Variants in TMEM132D observed in about 807,000 individuals in gnomAD.
The protein encoded by TMEM132D is transmembrane protein 132D, also known as mature OL transmembrane protein.
A neutral mutation model predicts 62.3 loss-of-function variants in TMEM132D; 21 were observed. The observed-to-expected ratio is 0.34, with a 90% confidence interval of 0.24 to 0.49. The LOEUF (loss-of-function observed/expected upper bound fraction) is 0.49. Ranked by LOEUF, TMEM132D falls within the 20% of genes least tolerant of loss-of-function variation. TMEM132D has a pLI of 0.99. For missense variants in TMEM132D, 1,346 were observed against 1,402.8 expected, an observed-to-expected ratio of 0.96 and a Z score of 0.65; for synonymous variants, 621 against 575.6, an observed-to-expected ratio of 1.08 and a Z score of -1.13.
intron 5 of TMEM132D, among the ~76,000 whole-genome samples, chr12:129,158,436 G>A (rs906549942): frequency 8.4e-5 from 2 of 23,816 alleles, no homozygotes; most frequent in South Asian, 9.3e-4. Context: ...TAAGTTATCT[G>A]TGTGATACCA....
At chr12:129,698,763 G>T (rs1245985687) in intron 2 of TMEM132D, among the ~76,000 whole-genome samples, 17 of 134,546 alleles carry the variant, frequency 1.3e-4, no homozygotes, top group African/African-American at 4.5e-4. Context: ...GGAGAGGGGA[G>T]GGAGAAAGAG....
rs114923136 is a variant in TMEM132D at position 129,549,926 on chromosome 12, G to A, written c.969-18721C>T. On this transcript the variant is annotated intron_variant, in intron 2 of 8. Transcript: ENST00000422113. The stretch of plus-strand genomic sequence containing the variant: ...ATGTGTGAGGGAAGTAAACATTGTC[G>A]GCCTCAAAACACGAAGGTCTTCAGG... Among the ~76,000 whole-genome samples the A allele has an allele frequency of 2.1e-3, 320 of 152,224 alleles. 2 individuals carry two copies. The highest frequency in any genetic ancestry group is 7.4e-3 in the African/African-American group (306 of 41,546).
At chr12:129,595,617 G>T (rs541493190) in intron 2 of TMEM132D, among the ~76,000 whole-genome samples, 2 of 152,342 alleles carry the variant, frequency 1.3e-5, no homozygotes, top group East Asian at 1.9e-4. Flanking sequence ...ACTCTAAGCT[G>T]GTTCCCAAGC....
At chr12:129,325,587 G>C (rs1868881133) in intron 4 of TMEM132D, among the ~76,000 whole-genome samples, 1 of 152,158 alleles carries the variant, frequency 6.6e-6, no homozygotes, top group African/African-American at 2.4e-5. Flanking sequence ...TGTGGGCTTG[G>C]CAGCTGGCAT....
At chr12:129,400,457 A>G (rs1207656698) in intron 3 of TMEM132D, among the ~76,000 whole-genome samples, 4 of 152,140 alleles carry the variant, frequency 2.6e-5, no homozygotes, top group African/African-American at 4.8e-5. Flanking sequence ...GTCTCCAGTG[A>G]TAAGTGGAAA....
chr12:129,893,328 A>C (rs1336997408), intron 1 of TMEM132D, among the ~76,000 whole-genome samples: 1 of 152,166 alleles, frequency 6.6e-6, no homozygotes, highest in Non-Finnish European at 1.5e-5. Flanking sequence ...GCCTTGCCTA[A>C]ATGAGCATTC....
Position 129,126,944 on chromosome 12 carries a change from G to T in TMEM132D, c.1444-42242C>A, listed in dbSNP as rs76706698. Among the ~76,000 whole-genome samples, 1,112 of 152,352 alleles carry T rather than the reference G, an allele frequency of 7.3e-3. 16 individuals carry two copies. The highest frequency in any genetic ancestry group is 0.025 in the African/African-American group (1,035 of 41,590). ...TAAAGAGCAGCACGTCTTCAGTGAT[G>T]TTGGGCATGTGATGCCCTGCAGTTG... On this transcript the variant is annotated intron_variant, in intron 5 of 8. Coordinates refer to ENST00000422113, the MANE Select transcript of TMEM132D (RefSeq NM_133448.3).
intron 4 of TMEM132D, among the ~76,000 whole-genome samples, chr12:129,305,566 T>C (rs778480932): frequency 6.6e-6 from 1 of 152,146 alleles, no homozygotes; most frequent in Non-Finnish European, 1.5e-5. Flanking sequence ...TCCAAATGTA[T>C]GGTATACTTA....
At chr12:129,898,570 C>A (rs967917450) in intron 1 of TMEM132D, among the ~76,000 whole-genome samples, 1 of 152,244 alleles carries the variant, frequency 6.6e-6, no homozygotes, top group Non-Finnish European at 1.5e-5. Flanking sequence ...CCCAGTCCAT[C>A]CGGTAACGCC....
chr12:129,181,897 T>C (rs1878076730), intron 5 of TMEM132D, among the ~76,000 whole-genome samples: 2 of 152,234 alleles, frequency 1.3e-5, no homozygotes, highest in Admixed American at 1.3e-4. Context: ...GAAAAGCTGC[T>C]TTTCTTTCAG....
chr12:129,205,131 C>A (rs577786545), intron 5 of TMEM132D, among the ~76,000 whole-genome samples: 1 of 152,142 alleles, frequency 6.6e-6, no homozygotes, highest in African/African-American at 2.4e-5. Context: ...CTATGGCTAA[C>A]AACATGAAGA....
chr12:129,849,719 C>T (rs1227638663), intron 1 of TMEM132D, among the ~76,000 whole-genome samples: 3 of 152,158 alleles, frequency 2.0e-5, no homozygotes, highest in East Asian at 3.9e-4. Flanking sequence ...CCAGGCAACG[C>T]GGTAGCCATT....
chr12:129,434,291 A>G (rs1872733054), intron 3 of TMEM132D, among the ~76,000 whole-genome samples: 1 of 152,240 alleles, frequency 6.6e-6, no homozygotes, highest in Non-Finnish European at 1.5e-5. Context: ...AAGAGATAAC[A>G]TCAGGTAACG....
At chr12:129,444,983 T>C (rs1346116549) in intron 3 of TMEM132D, among the ~76,000 whole-genome samples, 2 of 152,226 alleles carry the variant, frequency 1.3e-5, no homozygotes, top group Non-Finnish European at 2.9e-5. Context: ...TTACTAGGTA[T>C]ATACACAGAT....
At chr12:129,447,109 C>G (rs1057108292) in intron 3 of TMEM132D, among the ~76,000 whole-genome samples, 1 of 152,188 alleles carries the variant, frequency 6.6e-6, no homozygotes, top group Non-Finnish European at 1.5e-5. Context: ...TCTCTCTCCT[C>G]TCATCTTCCC....
Position 129,700,665 on chromosome 12 carries a change from T to C in TMEM132D, c.113A>G (p.Gln38Arg), listed in dbSNP as rs1473164854. 2 of 1,613,460 alleles carry C rather than the reference T, an allele frequency of 1.2e-6. No individual in the cohort carries two copies. Among genetic ancestry groups the C allele is most frequent in the Non-Finnish European group, 1.7e-6 (2 of 1,179,818 alleles). ...GTAGGTGGGCAGCAAGGAAAACCTC[T>C]GGATGCTCTCAAGGATCCCTCGACC... Reference protein sequence around the residue: ...TEGRGILESIQRFSLLPTYLP... With the variant: ...TEGRGILESIRRFSLLPTYLP... The change falls in exon 2 of 9, where the codon CAG (glutamine) becomes CGG (arginine). Residue 38 changes from glutamine to arginine, a missense_variant. By Grantham distance (43) the Gln-to-Arg change is conservative. Coordinates refer to ENST00000422113, the MANE Select transcript of TMEM132D (RefSeq NM_133448.3).
intron 2 of TMEM132D, among the ~76,000 whole-genome samples, chr12:129,653,697 C>A (rs892696208): frequency 6.6e-6 from 1 of 152,148 alleles, no homozygotes; most frequent in Non-Finnish European, 1.5e-5. Flanking sequence ...TAAAAATAAA[C>A]CTTTTTTATT....
chr12:129,244,948 C>G (rs1198956248), intron 4 of TMEM132D, among the ~76,000 whole-genome samples: 2 of 152,112 alleles, frequency 1.3e-5, no homozygotes, highest in Non-Finnish European at 2.9e-5. Context: ...GCCTGGTGTT[C>G]TTTTGTGAGG....
At chr12:129,592,725 G>C (rs1395729144) in intron 2 of TMEM132D, among the ~76,000 whole-genome samples, 1 of 152,190 alleles carries the variant, frequency 6.6e-6, no homozygotes, top group Non-Finnish European at 1.5e-5. Flanking sequence ...CTCAAAGTAA[G>C]ATGCAAAACA....
Sources: allele counts gnomAD v4.1 joint callset (sites outside exome capture counted in the v4.1 genomes callset), GRCh38; gene constraint gnomAD v4.1.1; transcripts MANE v1.5; gene names NCBI Gene and HGNC (gene_info 2026-07-23, HGNC 2026-07-21).